CNTNAP2: variants seen among roughly 807,000 people sequenced by gnomAD.
The protein encoded by CNTNAP2 is contactin associated protein 2, also known as contactin-associated protein-like 2.
Under a neutral mutation model 155.2 loss-of-function variants are expected in CNTNAP2, and 98 were observed. The ratio of observed to expected loss-of-function variants is 0.63; its 90% CI spans 0.54 to 0.75. The LOEUF is 0.75. CNTNAP2 is among the 30% of genes least tolerant of loss of function. CNTNAP2 has a pLI of 0.00. For missense variants in CNTNAP2, 1,727 were observed against 1,688.1 expected (o/e 1.02, Z -0.40); for synonymous variants, 651 against 631.2 (o/e 1.03, Z -0.47).
intron 18 of CNTNAP2, among the ~76,000 whole-genome samples, chr7:148,198,170 G>A (rs1215218165): frequency 6.6e-6 from 1 of 152,192 alleles, no homozygotes; most frequent in Admixed American, 6.5e-5. Context: ...CAAGGAGGCT[G>A]CCTGCTACCC....
Position 146,402,136 on chromosome 7 carries a change from G to A in CNTNAP2, c.97+285163G>A, listed in dbSNP as rs189016560. On this transcript the variant is annotated intron_variant, in intron 1 of 23. Coordinates refer to ENST00000361727, the MANE Select transcript of CNTNAP2 (RefSeq NM_014141.6). ...TGATCTTTTATACAATTTACATTGCGCAACTGTACCACTTATATTCTTAAT... is the reference window on the plus strand; with the variant it reads ...TGATCTTTTATACAATTTACATTGCACAACTGTACCACTTATATTCTTAAT... 4.0e-4 allele frequency among the ~76,000 whole-genome samples: 61 copies of A among 152,126 alleles called. No individual in the cohort carries two copies. The East Asian group carries it at 6.4e-3, about 16-fold the overall frequency.
intron 4 of CNTNAP2, among the ~76,000 whole-genome samples, chr7:147,095,186 A>ATTTTTTT (rs36113270): frequency 6.1e-5 from 7 of 114,520 alleles, no homozygotes; most frequent in African/African-American, 1.3e-4. Flanking sequence ...CGCCTGGCTA[A>ATTTTTTT]TTTTTTTTTT....
intron 16 of CNTNAP2, among the ~76,000 whole-genome samples, chr7:148,118,932 T>C (rs1042976397): frequency 1.3e-5 from 2 of 152,176 alleles, no homozygotes; most frequent in Admixed American, 1.3e-4. Flanking sequence ...TAAGGGGGCG[T>C]TCAGGCTTGG....
intron 1 of CNTNAP2, among the ~76,000 whole-genome samples, chr7:146,494,688 G>A (rs1207338914): frequency 1.3e-5 from 2 of 152,140 alleles, no homozygotes; most frequent in Non-Finnish European, 2.9e-5. Context: ...ATTAACCTGA[G>A]TGGGGGTCTT....
chr7:146,494,331 G>A (rs907722932), intron 1 of CNTNAP2, among the ~76,000 whole-genome samples: 5 of 150,560 alleles, frequency 3.3e-5, no homozygotes, highest in Admixed American at 6.6e-5. Context: ...GAGACTCTAT[G>A]TCTCAAAAAA....
intron 13 of CNTNAP2, among the ~76,000 whole-genome samples, chr7:147,741,585 A>G (rs1796957926): frequency 6.6e-6 from 1 of 152,222 alleles, no homozygotes; most frequent in Admixed American, 6.5e-5. Flanking sequence ...TGGTTTATAC[A>G]TACTTTTGTA....
At chr7:146,943,444 A>T (rs1797096352) in intron 3 of CNTNAP2, among the ~76,000 whole-genome samples, 1 of 152,202 alleles carries the variant, frequency 6.6e-6, no homozygotes, top group Non-Finnish European at 1.5e-5. Context: ...GTGAGCTGAG[A>T]TCATGCCACT....
chr7:147,570,069 G>A (rs535760866), intron 12 of CNTNAP2, among the ~76,000 whole-genome samples: 22 of 152,310 alleles, frequency 1.4e-4, no homozygotes, highest in East Asian at 7.7e-4. Context: ...TCTCTGACTC[G>A]CTTTCCAGCG....
chr7:148,175,125 A>T (rs918056446), intron 18 of CNTNAP2, among the ~76,000 whole-genome samples: 5 of 152,158 alleles, frequency 3.3e-5, no homozygotes, highest in Admixed American at 3.3e-4. Flanking sequence ...CATGTTGTAT[A>T]TGTGCCACAT....
At chr7:148,176,456 T>G (rs990989001) in intron 18 of CNTNAP2, among the ~76,000 whole-genome samples, 1 of 152,050 alleles carries the variant, frequency 6.6e-6, no homozygotes, top group Non-Finnish European at 1.5e-5. Flanking sequence ...TGACCTCAGG[T>G]GATCTGCCTG....
chr7:148,028,193 C>T (rs1802407228), intron 15 of CNTNAP2, among the ~76,000 whole-genome samples: 2 of 152,140 alleles, frequency 1.3e-5, no homozygotes, highest in South Asian at 4.1e-4. Flanking sequence ...TAGTATATCC[C>T]TCTAAAAACA....
chr7:147,234,635 G>A (rs988611204), intron 8 of CNTNAP2, among the ~76,000 whole-genome samples: 1 of 152,026 alleles, frequency 6.6e-6, no homozygotes, highest in Non-Finnish European at 1.5e-5. Flanking sequence ...CACCGCGCCC[G>A]GCCCAGAGTA....
At chr7:146,151,515 T>C (rs1798037582) in intron 1 of CNTNAP2, among the ~76,000 whole-genome samples, 4 of 150,166 alleles carry the variant, frequency 2.7e-5, no homozygotes, top group African/African-American at 9.7e-5. Flanking sequence ...GCCTGGATTA[T>C]TTCCCTTAGC....
chr7:148,249,926 A>G (rs1585216465), intron 20 of CNTNAP2, among the ~76,000 whole-genome samples: 2 of 152,190 alleles, frequency 1.3e-5, no homozygotes, highest in East Asian at 3.8e-4. Flanking sequence ...TTGCCCTTGC[A>G]GGAGCGTCTC....
At chr7:147,236,871 A>G (rs932434791) in intron 8 of CNTNAP2, among the ~76,000 whole-genome samples, 1 of 151,822 alleles carries the variant, frequency 6.6e-6, no homozygotes, top group Admixed American at 6.6e-5. Context: ...CTCACCTTCC[A>G]CAATGCTAAA....
chr7:147,742,042 C>G (rs866094462), intron 13 of CNTNAP2, among the ~76,000 whole-genome samples: 1 of 152,126 alleles, frequency 6.6e-6, no homozygotes, highest in Non-Finnish European at 1.5e-5. Context: ...GAGAGGAGAG[C>G]TTATGCAGGG....
intron 13 of CNTNAP2, among the ~76,000 whole-genome samples, chr7:147,746,814 T>C (rs1056761584): frequency 6.6e-6 from 1 of 152,118 alleles, no homozygotes; most frequent in African/African-American, 2.4e-5. Context: ...ATGTGCACAG[T>C]TTTACCACAC....
At chr7:147,372,838 G>T (rs1001650831) in intron 9 of CNTNAP2, among the ~76,000 whole-genome samples, 7 of 151,918 alleles carry the variant, frequency 4.6e-5, no homozygotes, top group Non-Finnish European at 8.8e-5. Context: ...ACTAGTGATG[G>T]CCCAGCCAAT....
At chr7:147,830,894 G>A (rs1487555079) in intron 13 of CNTNAP2, among the ~76,000 whole-genome samples, 3 of 152,212 alleles carry the variant, frequency 2.0e-5, no homozygotes, top group Non-Finnish European at 4.4e-5. Context: ...AAACAGAAGA[G>A]ATGGCAAGTG....
Sources: allele counts gnomAD v4.1 joint callset (sites outside exome capture counted in the v4.1 genomes callset), GRCh38; gene constraint gnomAD v4.1.1; transcripts MANE v1.5; gene names NCBI Gene and HGNC (gene_info 2026-07-23, HGNC 2026-07-21).